NOS1: variants seen among roughly 807,000 people sequenced by gnomAD.
The protein encoded by NOS1 is NOS type I.
NOS1 carries 51 observed loss-of-function variants against 164.5 expected under a neutral mutation model. The observed-to-expected ratio is 0.31, with a 90% CI of 0.25 to 0.39. The LOEUF (loss-of-function observed/expected upper bound fraction) is 0.39. Among genes scored for constraint, NOS1 ranks in the 10% least tolerant of loss-of-function variants. The pLI, the probability that NOS1 is intolerant of heterozygous loss-of-function variation, is 1.00. For synonymous variants in NOS1, 719 were observed against 745.8 expected, an observed-to-expected ratio of 0.96 and a Z score of 0.59; for missense variants, 1,362 against 1,885.6, an observed-to-expected ratio of 0.72 and a Z score of 5.14.
At chr12:117,329,387 C>G (rs963981226) in intron 2 of NOS1, among the ~76,000 whole-genome samples, 4 of 152,088 alleles carry the variant, frequency 2.6e-5, no homozygotes, top group African/African-American at 9.7e-5. Flanking sequence ...TCTGAGGACA[C>G]TTTGGGGTTC....
In NOS1 at chr12:117,215,295, G is replaced by A. The variant is rs1956587851; in HGVS notation, c.*14C>T. 1.3e-6 allele frequency: 2 copies of A among 1,556,710 alleles called. No homozygotes were observed. The highest frequency in any genetic ancestry group is 2.3e-5 in the East Asian group (1 of 42,788). ...GCTTACAAAACTTGCAGCCGGCTGG[G>A]CAAGAGGGTCCAGTTAGGAGCTGAA... On this transcript the variant is annotated 3_prime_UTR_variant, in exon 29 of 29. Coordinates refer to ENST00000317775, the MANE Select transcript of NOS1 (RefSeq NM_000620.5).
At chr12:117,271,591 C>T (rs1872795948) in intron 10 of NOS1, among the ~76,000 whole-genome samples, 1 of 152,138 alleles carries the variant, frequency 6.6e-6, no homozygotes, top group Admixed American at 6.5e-5. Context: ...GGATTTTTAA[C>T]AGCACAAACC....
At chr12:117,298,340 C>T (rs1019164694) in intron 3 of NOS1, among the ~76,000 whole-genome samples, 17 of 152,176 alleles carry the variant, frequency 1.1e-4, no homozygotes, top group African/African-American at 3.4e-4. Flanking sequence ...GGCGGTAATG[C>T]GAGCGATGGG....
intron 17 of NOS1, among the ~76,000 whole-genome samples, chr12:117,250,517 T>C (rs1003481371): frequency 1.6e-4 from 24 of 151,910 alleles, no homozygotes; most frequent in African/African-American, 4.8e-5. Context: ...TTGTTAGAGA[T>C]GGGGTTTCAC....
At position 117,330,585 on chromosome 12, in the gene NOS1, G is replaced by A; in HGVS notation, c.485C>T (p.Ala162Val). The stretch of plus-strand genomic sequence containing the variant: ...GCCAGCCTCCTGCCCATCATCGTAG[G>A]CATGCTGAGGCCCATTCCCGGGACC... ...ASGPGNGPQH[A>V]YDDGQEAGSL... The change falls in exon 2 of 29, where the codon GCC becomes GTC. Residue 162 changes from alanine to valine, a missense_variant. Ala to Val is a moderately conservative substitution (Grantham distance 64, BLOSUM62 0). Coordinates refer to ENST00000317775, the MANE Select transcript of NOS1 (RefSeq NM_000620.5). This position sits in a 1 kb window ranked among gnomAD's most constrained non-coding sequence, Gnocchi z 4.6. The A allele has an allele frequency of 6.2e-7, 1 of 1,612,842 alleles. No individual in the cohort carries two copies. Among genetic ancestry groups the A allele is most frequent in the Non-Finnish European group, 8.5e-7 (1 of 1,179,582 alleles).
rs1870395620 is a variant in NOS1 at position 117,243,785 on chromosome 12, T to C, written c.2824-350A>G. Among the ~76,000 whole-genome samples, 1 of 147,212 alleles carries C rather than the reference T, an allele frequency of 6.8e-6. No individual in the cohort carries two copies. Among genetic ancestry groups the C allele is most frequent in the African/African-American group, 2.5e-5 (1 of 40,454 alleles). On this transcript the variant is annotated intron_variant, in intron 18 of 28. Transcript: ENST00000317775. The surrounding 1 kb of genome is among the most constrained non-coding windows in gnomAD (Gnocchi z 4.3). ...CCATCCACCCACCCACCCATCCATCTTTCCATGCATCCATCCTTCCCTCCA... is the reference window on the plus strand; with the variant it reads ...CCATCCACCCACCCACCCATCCATCCTTCCATGCATCCATCCTTCCCTCCA...
At chr12:117,282,500 T>C (rs1873753752) in intron 7 of NOS1, among the ~76,000 whole-genome samples, 1 of 152,234 alleles carries the variant, frequency 6.6e-6, no homozygotes, top group Admixed American at 6.5e-5. Flanking sequence ...GATTCAAATC[T>C]GCTTCCTCCA....
In NOS1 at chr12:117,210,575, T is replaced by G; in HGVS notation, c.*4734A>C. 1.0e-6 allele frequency: 1 copy of G among 985,496 alleles called. No homozygotes were observed. The highest frequency in any genetic ancestry group is 1.2e-6 in the Non-Finnish European group (1 of 829,996). 61.0% of individuals were successfully genotyped at this position (985,496 alleles called of 1,614,324 possible). A position where few individuals can be genotyped will look rare whatever the true frequency, so the allele number is the denominator to read the frequency against. The stretch of plus-strand genomic sequence containing the variant: ...AATGGCAAGAATGAAAAGGCTGCAT[T>G]AGGCGCTGGTGCTGTCGGAGTGAAG... On this transcript the variant is annotated 3_prime_UTR_variant, in exon 29 of 29. Transcript: ENST00000317775.
chr12:117,264,408 G>A (rs1030566935), intron 12 of NOS1, among the ~76,000 whole-genome samples: 9 of 151,908 alleles, frequency 5.9e-5, no homozygotes, highest in Admixed American at 1.3e-4. Flanking sequence ...AAATAGCTGG[G>A]ACTACAGGTA....
At chr12:117,222,637 T>C in intron 26 of NOS1, 78 bp downstream of exon 26, 2 of 1,354,792 alleles carry the variant, frequency 1.5e-6, no homozygotes, top group Non-Finnish European at 1.0e-6. Context: ...AGAGTGAGGG[T>C]GAGGGGTTTC....
rs754763161 is a variant in NOS1, at chr12:117,265,503, T to C, written c.1949A>G (p.Lys650Arg). The change falls in exon 12 of 29, where the codon AAA (lysine) becomes AGA (arginine). Residue 650 changes from lysine (K) to arginine (R), a missense_variant. Physicochemically the swap from Lys to Arg is conservative, Grantham distance 26 (BLOSUM62 2). Around this residue, in one of 4 missense-constraint regions of NOS1, gnomAD observed 737 missense variants for 1,030.3 expected, o/e 0.72. Coordinates refer to ENST00000317775, the MANE Select transcript of NOS1 (RefSeq NM_000620.5). ...IAVLYSFQSD[K>R]VTIVDHHSAT... The stretch of plus-strand genomic sequence containing the variant: ...GGAGTGATGGTCAACAATGGTCACT[T>C]TGTCACTCTGTGGGAGGAGAGGGGA... 3 of 1,540,154 alleles carry C rather than the reference T, an allele frequency of 1.9e-6. No individual in the cohort carries two copies. The highest frequency in any genetic ancestry group is 2.4e-5 in the East Asian group (1 of 41,948).
chr12:117,319,540 G>A (rs1874817423), intron 2 of NOS1, among the ~76,000 whole-genome samples: 1 of 152,232 alleles, frequency 6.6e-6, no homozygotes, highest in Non-Finnish European at 1.5e-5. Flanking sequence ...CTGTTTGGAT[G>A]CTGGAGGATG....
At position 117,243,230 on chromosome 12, in the gene NOS1, G is replaced by A; in HGVS notation, c.2962+67C>T. 6.3e-7 allele frequency: 1 copy of A among 1,588,948 alleles called. No individual in the cohort carries two copies. Among genetic ancestry groups the A allele is most frequent in the South Asian group, 1.2e-5 (1 of 86,546 alleles). Reference sequence around the variant, plus strand: ...AGCCCATCTTCTCTAAGCACCTTCTGGAGGTGAGATCACCTGCCTTTCCCC... The same window carrying A: ...AGCCCATCTTCTCTAAGCACCTTCTAGAGGTGAGATCACCTGCCTTTCCCC... On this transcript the variant is annotated intron_variant, in intron 19 of 28. Coordinates refer to ENST00000317775, the MANE Select transcript of NOS1 (RefSeq NM_000620.5). This position sits in a 1 kb window ranked among gnomAD's most constrained non-coding sequence, Gnocchi z 4.3.
rs9658382 is a variant in NOS1, at chr12:117,272,059, G to A, written c.1839+326C>T. Among the ~76,000 whole-genome samples the A allele has an allele frequency of 0.039, 6,003 of 152,284 alleles. 179 individuals are homozygous for A. The highest frequency in any genetic ancestry group is 0.062 in the Non-Finnish European group (4,242 of 68,016). ...CATTTCCCAGCCCTGCTGCCGGCTAGCTGTGTGACCTTGAGCTTGTCATCT... is the reference window on the plus strand; with the variant it reads ...CATTTCCCAGCCCTGCTGCCGGCTAACTGTGTGACCTTGAGCTTGTCATCT... On this transcript the variant is annotated intron_variant, in intron 10 of 28. Transcript: ENST00000317775. This position sits in a 1 kb window ranked among gnomAD's most constrained non-coding sequence, Gnocchi z 4.3.
chr12:117,236,722 T>C (rs1869750213), intron 20 of NOS1, among the ~76,000 whole-genome samples: 1 of 152,228 alleles, frequency 6.6e-6, no homozygotes, highest in South Asian at 2.1e-4. Context: ...AGGAAGCCTT[T>C]GAAAGGCCCG....
chr12:117,339,567 T>C (rs1004356), intron 1 of NOS1, among the ~76,000 whole-genome samples: 23,175 of 152,198 alleles, frequency 0.15, 1,917 homozygotes, highest in Non-Finnish European at 0.18. Context: ...CTTAAACACA[T>C]ACAAAACTCT....
chr12:117,213,816 C>T lies in NOS1; in HGVS notation c.*1493G>A. The T allele has an allele frequency of 1.0e-6, 1 of 985,368 alleles. No homozygotes were observed. Among genetic ancestry groups the T allele is most frequent in the Non-Finnish European group, 1.2e-6 (1 of 829,920 alleles). The allele number at this position is 985,368 out of a possible 1,614,324, so 61.0% of individuals were successfully genotyped here. ...TTTCTTGTCTCTTTCTGGGAACTGCCTGACACTAATTTGTAGTATTTAAAA... is the reference window on the plus strand; with the variant it reads ...TTTCTTGTCTCTTTCTGGGAACTGCTTGACACTAATTTGTAGTATTTAAAA... On this transcript the variant is annotated 3_prime_UTR_variant, in exon 29 of 29. Coordinates refer to ENST00000317775, the MANE Select transcript of NOS1 (RefSeq NM_000620.5).
chr12:117,313,686 C>T (rs1593015534), intron 2 of NOS1, among the ~76,000 whole-genome samples: 1 of 152,168 alleles, frequency 6.6e-6, no homozygotes, highest in African/African-American at 2.4e-5. Context: ...CTAGGTTCCA[C>T]AGGCTGGCCA....
At chr12:117,217,959 G>T in intron 28 of NOS1, 87 bp downstream of exon 28, 3 of 963,402 alleles carry the variant, frequency 3.1e-6, no homozygotes, top group Non-Finnish European at 5.0e-6. Context: ...TGGGGACCCT[G>T]CCGTGGGAAA....
Sources: allele counts gnomAD v4.1 joint callset (sites outside exome capture counted in the v4.1 genomes callset), GRCh38; gene constraint gnomAD v4.1.1; regional missense constraint gnomAD v4.1.1; non-coding constraint Gnocchi (gnomAD v3.1); transcripts MANE v1.5; gene names NCBI Gene and HGNC (gene_info 2026-07-23, HGNC 2026-07-21).